The following CSTPP1 variants were observed in gnomAD, a reference collection of about 807,000 sequenced individuals.
CSTPP1 encodes centriolar satellite-associated tubulin polyglutamylase complex regulator 1, also known as UPF0705 protein C11orf49.
At chr11:46,988,133 C>T in the CSTPP1 span, among the ~76,000 whole-genome samples, 1 of 152,136 alleles carries the variant, frequency 6.6e-6, no homozygotes, top group Non-Finnish European at 1.5e-5. Flanking sequence ...TTAGTATAAC[C>T]ACTGTGGAGA....
At chr11:46,991,922 C>G in the CSTPP1 span, among the ~76,000 whole-genome samples, 118,391 of 151,840 alleles carry the variant, frequency 0.78, 47,186 homozygotes, top group African/African-American at 0.91. Context: ...TGTATTTTTA[C>G]TAGAGACGGG....
At chr11:47,068,904 G>C in the CSTPP1 span, among the ~76,000 whole-genome samples, 4 of 152,042 alleles carry the variant, frequency 2.6e-5, no homozygotes, top group Admixed American at 1.3e-4. Flanking sequence ...AAAAAGACCA[G>C]AGCAGATAAT....
At chr11:47,058,526 G>T in the CSTPP1 span, among the ~76,000 whole-genome samples, 1 of 152,056 alleles carries the variant, frequency 6.6e-6, no homozygotes, top group African/African-American at 2.4e-5. Context: ...ACATGAATAT[G>T]ATTAGGAGAT....
the CSTPP1 span, among the ~76,000 whole-genome samples, chr11:46,960,014 A>C: frequency 1.3e-5 from 2 of 152,064 alleles, no homozygotes; most frequent in Middle Eastern, 3.4e-3. Flanking sequence ...TTACAGGCAC[A>C]TGCCACCATA....
chr11:47,146,590 A>G, the CSTPP1 span, among the ~76,000 whole-genome samples: 1 of 152,222 alleles, frequency 6.6e-6, no homozygotes, highest in Admixed American at 6.5e-5. Context: ...TTAAAGTCTC[A>G]TAATACAAAT....
At chr11:47,079,851 T>C in the CSTPP1 span, among the ~76,000 whole-genome samples, 2 of 144,432 alleles carry the variant, frequency 1.4e-5, no homozygotes, top group Non-Finnish European at 3.1e-5. Context: ...CCCAGCACTT[T>C]GGGAGGCGGA....
chr11:46,998,261 A>G, the CSTPP1 span, among the ~76,000 whole-genome samples: 2 of 152,080 alleles, frequency 1.3e-5, no homozygotes, highest in Non-Finnish European at 2.9e-5. Context: ...TGCGCCTTGC[A>G]CTCCAAAAGT....
the CSTPP1 span, chr11:47,155,076 C>T: frequency 5.2e-6 from 5 of 956,044 alleles, no homozygotes. Context: ...TCTCTCTCTC[C>T]CTCTCCCCCG....
the CSTPP1 span, among the ~76,000 whole-genome samples, chr11:47,001,416 T>G: frequency 3.8e-4 from 58 of 152,318 alleles, 1 homozygote; most frequent in Non-Finnish European, 4.4e-5. Flanking sequence ...ATGTTAATCA[T>G]CAGAATTAAT....
chr11:47,038,128 T>A, the CSTPP1 span, among the ~76,000 whole-genome samples: 1 of 6,632 alleles, frequency 1.5e-4, no homozygotes, highest in Non-Finnish European at 3.6e-4. Flanking sequence ...CCCTCCCGGA[T>A]GGGGCGGCTG....
At chr11:46,946,006 C>T in the CSTPP1 span, among the ~76,000 whole-genome samples, 3 of 152,098 alleles carry the variant, frequency 2.0e-5, no homozygotes, top group Admixed American at 1.3e-4. Flanking sequence ...CCTGGAAGGT[C>T]GATCTAGATT....
the CSTPP1 span, among the ~76,000 whole-genome samples, chr11:47,030,688 A>G: frequency 4.6e-5 from 7 of 151,998 alleles, no homozygotes; most frequent in East Asian, 3.9e-4. Flanking sequence ...CCACCCTCCA[A>G]TAGGCCCCAG....
the CSTPP1 span, among the ~76,000 whole-genome samples, chr11:47,144,066 T>C: frequency 6.6e-6 from 1 of 152,238 alleles, no homozygotes; most frequent in Non-Finnish European, 1.5e-5. Context: ...CTCTGAGCCC[T>C]GTTTTTATAT....
chr11:47,070,641 A>G, the CSTPP1 span, among the ~76,000 whole-genome samples: 1 of 152,150 alleles, frequency 6.6e-6, no homozygotes, highest in Admixed American at 6.5e-5. Context: ...CCCTCCCCAG[A>G]CCACTTTAAT....
At chr11:47,124,652 T>C in the CSTPP1 span, among the ~76,000 whole-genome samples, 1 of 152,268 alleles carries the variant, frequency 6.6e-6, no homozygotes, top group Admixed American at 6.5e-5. Flanking sequence ...AGGAAGAAAT[T>C]GAGGCACAGA....
chr11:46,986,687 C>T, the CSTPP1 span, among the ~76,000 whole-genome samples: 1 of 152,074 alleles, frequency 6.6e-6, no homozygotes, highest in Non-Finnish European at 1.5e-5. Context: ...AAGCTGGTCT[C>T]GAACTCCTGA....
At chr11:47,156,850 A>C in the CSTPP1 span, among the ~76,000 whole-genome samples, 4 of 152,350 alleles carry the variant, frequency 2.6e-5, no homozygotes, top group East Asian at 7.7e-4. Context: ...GTCATCTCTC[A>C]TCAATGTGTT....
chr11:47,119,745 G>A, the CSTPP1 span, among the ~76,000 whole-genome samples: 1 of 151,626 alleles, frequency 6.6e-6, no homozygotes, highest in Non-Finnish European at 1.5e-5. Flanking sequence ...CCGAGTAGCT[G>A]GGATTACAGG....
At chr11:47,132,196 G>T in the CSTPP1 span, among the ~76,000 whole-genome samples, 2 of 152,106 alleles carry the variant, frequency 1.3e-5, no homozygotes, top group African/African-American at 4.8e-5. Flanking sequence ...TAATTTTGCA[G>T]AAATGCCTCC....
Sources: allele counts gnomAD v4.1 joint callset (sites outside exome capture counted in the v4.1 genomes callset), GRCh38; gene constraint gnomAD v4.1.1; transcripts MANE v1.5; gene names NCBI Gene and HGNC (gene_info 2026-07-23, HGNC 2026-07-21).